ZBTB38: variants seen among roughly 807,000 people sequenced by gnomAD.
The protein encoded by ZBTB38 is zinc finger and BTB domain-containing protein 38.
ZBTB38 carries 20 observed loss-of-function variants against 76.8 expected under a neutral mutation model. The ratio of observed to expected loss-of-function variants is 0.26; its 90% CI spans 0.18 to 0.38. The LOEUF (loss-of-function observed/expected upper bound fraction) is 0.38, where lower values mean the gene tolerates loss of function less well. Ranked by LOEUF, ZBTB38 falls within the 10% of genes least tolerant of loss-of-function variation. The pLI, the probability that ZBTB38 is intolerant of heterozygous loss-of-function variation, is 1.00. For missense variants in ZBTB38, 1,082 were observed against 1,482.3 expected, an observed-to-expected ratio of 0.73 and a Z score of 4.43; for synonymous variants, 504 against 544.2, an observed-to-expected ratio of 0.93 and a Z score of 1.03.
chr3:141,421,920 G>A (rs1432374156), intron 5 of ZBTB38, among the ~76,000 whole-genome samples: 1 of 152,222 alleles, frequency 6.6e-6, no homozygotes, highest in Non-Finnish European at 1.5e-5. Context: ...TCCTTGAGTG[G>A]TCTCAGCACC....
At chr3:141,378,913 G>A (rs115797507) in intron 2 of ZBTB38, among the ~76,000 whole-genome samples, 264 of 152,292 alleles carry the variant, frequency 1.7e-3, no homozygotes, top group African/African-American at 6.0e-3. Flanking sequence ...TCTCGCCCCT[G>A]TGCAGTAATT....
At chr3:141,337,995 T>C (rs996652548) in intron 1 of ZBTB38, among the ~76,000 whole-genome samples, 10 of 152,302 alleles carry the variant, frequency 6.6e-5, no homozygotes, top group Admixed American at 6.5e-4. Context: ...GCACTAAGAA[T>C]ACATCAGTAA....
intron 5 of ZBTB38, among the ~76,000 whole-genome samples, chr3:141,437,392 G>A (rs2079048512): frequency 1.3e-5 from 2 of 152,136 alleles, no homozygotes; most frequent in Non-Finnish European, 2.9e-5. Context: ...CTGCATGCCT[G>A]ATCCTGGATG....
chr3:141,442,702 C>G lies in ZBTB38; in HGVS notation c.314C>G (p.Thr105Ser). ...GTTGTCAAGAGACAGGAAACAGTCA[C>G]TGATCTCGCAGCTGCAGGAAAAAAG... Reference protein sequence around the residue: ...TVVVKRQETVTDLAAAGKKLG... With the variant: ...TVVVKRQETVSDLAAAGKKLG... The change falls in exon 6 of 6, where the codon ACT becomes AGT. Residue 105 changes from threonine (T) to serine (S), a missense_variant. Transcript: ENST00000321464. The surrounding 1 kb of genome is among the most constrained non-coding windows in gnomAD (Gnocchi z 6.4). 1 of 1,614,202 alleles carries G rather than the reference C, an allele frequency of 6.2e-7. No individual in the cohort carries two copies.
chr3:141,331,319 C>T lies in ZBTB38; in HGVS notation c.-739+6863C>T, dbSNP rs185923969. On this transcript the variant is annotated intron_variant, in intron 1 of 7. Transcript: ENST00000509842. ...ATGTTCCCACCTGGAGAATCTATTTCACTCTAGGCAACTACTGGACAAATT... is the reference window on the plus strand; with the variant it reads ...ATGTTCCCACCTGGAGAATCTATTTTACTCTAGGCAACTACTGGACAAATT... 6.0e-3 allele frequency among the ~76,000 whole-genome samples: 920 copies of T among 152,290 alleles called. 2 individuals are homozygous for T. Among genetic ancestry groups the T allele is most frequent in the Middle Eastern group, 0.014 (4 of 294 alleles).
intron 1 of ZBTB38, among the ~76,000 whole-genome samples, chr3:141,331,497 A>T (rs1375559707): frequency 6.6e-6 from 1 of 152,042 alleles, no homozygotes; most frequent in Non-Finnish European, 1.5e-5. Flanking sequence ...TACAGCACTG[A>T]TGTTTATGCC....
chr3:141,438,840 A>G (rs1044363514), intron 5 of ZBTB38, among the ~76,000 whole-genome samples: 2 of 152,012 alleles, frequency 1.3e-5, no homozygotes, highest in Admixed American at 6.5e-5. Flanking sequence ...CAACAGATAC[A>G]TGCTGAGGCC....
chr3:141,359,490 A>G (rs963099316), intron 1 of ZBTB38, among the ~76,000 whole-genome samples: 4 of 152,234 alleles, frequency 2.6e-5, no homozygotes, highest in Non-Finnish European at 5.9e-5. Context: ...GGTAGTGGCA[A>G]TTGTGTAGGC....
chr3:141,444,476 G>C lies in ZBTB38; in HGVS notation c.2088G>C (p.Leu696Phe), dbSNP rs763065995. The C allele has an allele frequency of 1.2e-6, 2 of 1,614,122 alleles. No individual in the cohort carries two copies. Among genetic ancestry groups the C allele is most frequent in the East Asian group, 4.5e-5 (2 of 44,890 alleles). The change falls in exon 6 of 6, where the codon TTG becomes TTC. Residue 696 changes from leucine to phenylalanine, a missense_variant. Around this residue, in one of 8 missense-constraint regions of ZBTB38, gnomAD observed 471 missense variants for 581.0 expected, o/e 0.81. Transcript: ENST00000321464. The surrounding 1 kb of genome is among the most constrained non-coding windows in gnomAD (Gnocchi z 5.1). ...LRAGDVPVLS[L>F]SNSSENAASV... The stretch of plus-strand genomic sequence containing the variant: ...CAGGGGATGTACCTGTTTTATCTTT[G>C]AGTAATAGCAGTGAGAATGCCGCCT...
chr3:141,398,011 C>T (rs1435793862), intron 4 of ZBTB38, among the ~76,000 whole-genome samples: 1 of 152,322 alleles, frequency 6.6e-6, no homozygotes, highest in Non-Finnish European at 1.5e-5. Flanking sequence ...TAAAAAAAGA[C>T]GCAGTATCTA....
At chr3:141,325,994 CT>C (rs1942662361) in intron 1 of ZBTB38, among the ~76,000 whole-genome samples, 1 of 152,134 alleles carries the variant, frequency 6.6e-6, no homozygotes, top group Admixed American at 6.5e-5. Flanking sequence ...ACCACTTGTG[CT>C]GCCATTTAAC....
chr3:141,360,319 T>C (rs911237799), intron 1 of ZBTB38, among the ~76,000 whole-genome samples: 3 of 152,130 alleles, frequency 2.0e-5, no homozygotes, highest in African/African-American at 7.2e-5. Flanking sequence ...AAGAATCCCC[T>C]GTGTGCCTTG....
chr3:141,420,593 A>G (rs2075134500), intron 5 of ZBTB38, among the ~76,000 whole-genome samples: 1 of 152,228 alleles, frequency 6.6e-6, no homozygotes, highest in East Asian at 1.9e-4. Context: ...TTCTTTAAAG[A>G]TGAAGCCAAG....
At chr3:141,373,269 T>C (rs1944897882) in intron 2 of ZBTB38, among the ~76,000 whole-genome samples, 1 of 152,262 alleles carries the variant, frequency 6.6e-6, no homozygotes, top group South Asian at 2.1e-4. Context: ...TGTATTTTGT[T>C]ATTTTTTTCT....
rs2151048072 is a variant in ZBTB38 at position 141,449,774 on chromosome 3, G to C, written c.*3798G>C. ...GAAAGCATCTGTAACAATTGGGAAA[G>C]TAAAAGCATAAAACAAAAGTGTTAG... is the stretch of plus-strand genomic sequence containing the variant. On this transcript the variant is annotated 3_prime_UTR_variant, in exon 6 of 6. Transcript: ENST00000321464. 6.6e-6 allele frequency: 1 copy of C among 152,296 alleles called. No homozygotes were observed. The highest frequency in any genetic ancestry group is 2.1e-4 in the South Asian group (1 of 4,828). 9.4% of individuals were successfully genotyped at this position (152,296 alleles called of 1,614,324 possible).
chr3:141,356,836 A>G (rs975262275), intron 1 of ZBTB38, among the ~76,000 whole-genome samples: 7 of 152,268 alleles, frequency 4.6e-5, no homozygotes, highest in Non-Finnish European at 1.0e-4. Context: ...CGTATTCTAT[A>G]TAAGTGTCTT....
rs867369583 is a variant in ZBTB38, at chr3:141,445,406, T to G, written c.3018T>G (p.Thr1006=). 1.2e-6 allele frequency: 2 copies of G among 1,614,066 alleles called. No individual in the cohort carries two copies. Among genetic ancestry groups the G allele is most frequent in the Admixed American group, 3.3e-5 (2 of 60,004 alleles). ...AAGGAAGGCCCCACCGACATCTTAC[T>G]TCTCGGCCATATGCCTGCGAGCTCT... ...GNQGRPHRHL[T]SRPYACELCA... The change falls in exon 6 of 6, where the codon ACT becomes ACG. Residue 1006 remains threonine, a synonymous_variant. Coordinates refer to ENST00000321464, the MANE Select transcript of ZBTB38 (RefSeq NM_001376113.1). The surrounding 1 kb of genome is among the most constrained non-coding windows in gnomAD (Gnocchi z 6.5).
chr3:141,422,639 G>T (rs1456737602), intron 5 of ZBTB38, among the ~76,000 whole-genome samples: 1 of 152,092 alleles, frequency 6.6e-6, no homozygotes, highest in Non-Finnish European at 1.5e-5. Flanking sequence ...CAACGTTTAG[G>T]CCTATAGAAG....
intron 5 of ZBTB38, among the ~76,000 whole-genome samples, chr3:141,426,877 A>G (rs2076501487): frequency 6.6e-6 from 1 of 152,130 alleles, no homozygotes; most frequent in Non-Finnish European, 1.5e-5. Context: ...TCAGTGTTTT[A>G]ACTTGTTTGG....
Sources: gnomAD v4.1 joint callset for allele counts (sites outside exome capture counted in the v4.1 genomes callset) on GRCh38, gnomAD v4.1.1 for gene constraint, gnomAD v4.1.1 regional missense constraint, Gnocchi (gnomAD v3.1) non-coding constraint, MANE v1.5 for transcripts, NCBI Gene and HGNC (gene_info 2026-07-23, HGNC 2026-07-21) for gene names.